The following ARMH3 variants were observed in gnomAD, a reference collection of about 807,000 sequenced individuals.
ARMH3 encodes the protein armadillo like helical domain containing 3, also known as armadillo-like helical domain-containing protein 3.
Under a neutral mutation model 99.1 loss-of-function variants are expected in ARMH3, and 60 were observed. The observed-to-expected ratio is 0.61, with a 90% CI of 0.49 to 0.75. The LOEUF is 0.75. Among genes scored for constraint, ARMH3 ranks in the 30% least tolerant of loss-of-function variants. The pLI is 0.00. For synonymous variants in ARMH3, 285 were observed against 292.8 expected (o/e 0.97, Z 0.27); for missense variants, 679 against 843.1 (o/e 0.81, Z 2.41).
intron 24 of ARMH3, among the ~76,000 whole-genome samples, chr10:101,878,084 CCT>C (rs2067312859): frequency 6.6e-6 from 1 of 151,936 alleles, no homozygotes; most frequent in Non-Finnish European, 1.5e-5. Flanking sequence ...ATGGCGAAAC[CCT>C]GTCTCTACTA....
chr10:101,941,122 T>C (rs1022545009), intron 22 of ARMH3, among the ~76,000 whole-genome samples: 1 of 152,194 alleles, frequency 6.6e-6, no homozygotes, highest in Non-Finnish European at 1.5e-5. Context: ...TTGTAAGTAA[T>C]GGAGCTGGAA....
At chr10:101,927,745 C>A (rs1011936138) in intron 23 of ARMH3, among the ~76,000 whole-genome samples, 1 of 151,992 alleles carries the variant, frequency 6.6e-6, no homozygotes, top group Non-Finnish European at 1.5e-5. Flanking sequence ...CCTGGCTGGG[C>A]AACATAGTGA....
intron 11 of ARMH3, 86 bp from the exon 12 acceptor site, chr10:102,010,109 A>G: frequency 7.8e-7 from 1 of 1,288,404 alleles, no homozygotes. Flanking sequence ...TCAGTGAAGA[A>G]AACAAGCTGC....
intron 1 of ARMH3, among the ~76,000 whole-genome samples, chr10:102,048,198 TATC>T (rs1479538718): frequency 6.6e-6 from 1 of 152,196 alleles, no homozygotes; most frequent in Non-Finnish European, 1.5e-5. Flanking sequence ...CCTTATCACA[TATC>T]ATTCTCCCCA....
chr10:101,949,033 C>T (rs1349336714), intron 22 of ARMH3, among the ~76,000 whole-genome samples: 3 of 151,834 alleles, frequency 2.0e-5, no homozygotes, highest in Admixed American at 6.6e-5. Flanking sequence ...TAAGAAAATA[C>T]ACTGAACTTG....
chr10:102,039,890 T>C, intron 2 of ARMH3, 123 bp downstream of exon 2: 1 of 852,520 alleles, frequency 1.2e-6, no homozygotes, highest in South Asian at 1.5e-5. Flanking sequence ...CAAACCCTCT[T>C]TCTCTCCCCT....
intron 23 of ARMH3, among the ~76,000 whole-genome samples, chr10:101,893,793 C>T (rs1359958336): frequency 6.6e-6 from 1 of 152,036 alleles, no homozygotes; most frequent in Admixed American, 6.6e-5. Flanking sequence ...AAGGCATTAC[C>T]TTCAAAATGT....
At chr10:101,981,872 AGCTGG>A (rs1218654790) in intron 19 of ARMH3, among the ~76,000 whole-genome samples, 1 of 151,806 alleles carries the variant, frequency 6.6e-6, no homozygotes, top group Non-Finnish European at 1.5e-5. Flanking sequence ...ACAAAAAATT[AGCTGG>A]GCGCGGTGGT....
intron 1 of ARMH3, among the ~76,000 whole-genome samples, chr10:102,048,788 G>A (rs940927066): frequency 1.3e-5 from 2 of 152,222 alleles, no homozygotes; most frequent in Admixed American, 6.5e-5. Context: ...TAAGTCTCCT[G>A]TCCTGATCTC....
At chr10:101,964,505 A>G (rs577552699) in intron 20 of ARMH3, among the ~76,000 whole-genome samples, 165 of 152,350 alleles carry the variant, frequency 1.1e-3, no homozygotes, top group Non-Finnish European at 2.1e-3. Flanking sequence ...ATGAACGAAT[A>G]AACAAAATAT....
At chr10:101,958,003 T>C (rs549443467) in intron 20 of ARMH3, among the ~76,000 whole-genome samples, 2 of 152,338 alleles carry the variant, frequency 1.3e-5, no homozygotes, top group Non-Finnish European at 2.9e-5. Flanking sequence ...GAAATCTGAC[T>C]ATAAAACTGA....
At chr10:101,968,842 T>A (rs1845650660) in intron 20 of ARMH3, among the ~76,000 whole-genome samples, 1 of 152,216 alleles carries the variant, frequency 6.6e-6, no homozygotes, top group Non-Finnish European at 1.5e-5. Context: ...CTTTCTATAC[T>A]GCTGTAGACA....
chr10:101,907,174 G>A (rs1025211702), intron 23 of ARMH3, among the ~76,000 whole-genome samples: 1 of 152,120 alleles, frequency 6.6e-6, no homozygotes, highest in African/African-American at 2.4e-5. Context: ...GTTCCTTTAA[G>A]TTCCTATTTA....
At chr10:101,918,503 C>T (rs888264297) in intron 23 of ARMH3, among the ~76,000 whole-genome samples, 1 of 152,186 alleles carries the variant, frequency 6.6e-6, no homozygotes, top group Non-Finnish European at 1.5e-5. Context: ...AGCCTGTAAG[C>T]AAGTTTGGAC....
At chr10:101,965,711 G>C (rs1845501465) in intron 20 of ARMH3, among the ~76,000 whole-genome samples, 1 of 152,204 alleles carries the variant, frequency 6.6e-6, no homozygotes, top group African/African-American at 2.4e-5. Context: ...AAGTTGTAGG[G>C]AAGTGAGTGC....
chr10:101,915,933 A>G (rs1843067083), intron 23 of ARMH3, among the ~76,000 whole-genome samples: 1 of 151,140 alleles, frequency 6.6e-6, no homozygotes, highest in African/African-American at 2.4e-5. Context: ...CCTCCGGAGT[A>G]GCTGGAACTA....
At chr10:101,998,914 A>G (rs1316631798) in intron 15 of ARMH3, among the ~76,000 whole-genome samples, 1 of 152,242 alleles carries the variant, frequency 6.6e-6, no homozygotes, top group African/African-American at 2.4e-5. Flanking sequence ...TTGCTTCTAA[A>G]GTGGAAATGG....
chr10:101,910,624 T>C (rs1210382127), intron 23 of ARMH3, among the ~76,000 whole-genome samples: 3 of 151,006 alleles, frequency 2.0e-5, no homozygotes, highest in Admixed American at 1.3e-4. Flanking sequence ...TCCAGCTACT[T>C]GGGAGGCTGA....
intron 24 of ARMH3, among the ~76,000 whole-genome samples, chr10:101,852,847 C>T (rs1269063615): frequency 6.6e-6 from 1 of 151,754 alleles, no homozygotes; most frequent in Non-Finnish European, 1.5e-5. Flanking sequence ...CTTGTCCAGA[C>T]ACTGCCCGTT....
Sources: gnomAD v4.1 joint callset for allele counts (sites outside exome capture counted in the v4.1 genomes callset) on GRCh38, gnomAD v4.1.1 for gene constraint, MANE v1.5 for transcripts, NCBI Gene and HGNC (gene_info 2026-07-23, HGNC 2026-07-21) for gene names.